DUSP29: variants seen among roughly 807,000 people sequenced by gnomAD.
DUSP29 encodes atypical dual-specific protein phosphatase.
In DUSP29, 12 loss-of-function variants were observed where a neutral mutation model predicts 13.5. The ratio of observed to expected loss-of-function variants is 0.89; its 90% CI spans 0.57 to 1.44. The LOEUF is 1.44. Ranked by LOEUF, DUSP29 falls within the 40% of genes most tolerant of loss-of-function variation. The pLI, the probability that DUSP29 is intolerant of heterozygous loss-of-function variation, is 0.00. For synonymous variants in DUSP29, 134 were observed against 128.7 expected, an observed-to-expected ratio of 1.04 and a Z score of -0.28; for missense variants, 308 against 301.1, an observed-to-expected ratio of 1.02 and a Z score of -0.17.
At chr10:75,053,185 G>T (rs1846884937) in intron 2 of DUSP29, among the ~76,000 whole-genome samples, 1 of 152,150 alleles carries the variant, frequency 6.6e-6, no homozygotes, top group Non-Finnish European at 1.5e-5. Context: ...AATCGAAACT[G>T]ACCACACAGC....
chr10:75,051,614 A>G (rs1454547581), intron 2 of DUSP29, among the ~76,000 whole-genome samples: 1 of 152,218 alleles, frequency 6.6e-6, no homozygotes, highest in African/African-American at 2.4e-5. Context: ...ATCCCAGGAC[A>G]TCCATCCTTA....
intron 2 of DUSP29, among the ~76,000 whole-genome samples, chr10:75,052,349 C>T (rs2134291101): frequency 6.7e-6 from 1 of 148,322 alleles, no homozygotes; most frequent in East Asian, 2.0e-4. Context: ...GCTTTGTCAC[C>T]AGGCTGGAGT....
chr10:75,043,815 C>T lies in DUSP29; in HGVS notation c.403G>A (p.Ala135Thr). The T allele has an allele frequency of 4.3e-6, 7 of 1,613,440 alleles. No homozygotes were observed. The highest frequency in any genetic ancestry group is 1.3e-5 in the African/African-American group (1 of 75,030). The change falls in exon 3 of 4, where the codon GCG becomes ACG. Residue 135 changes from alanine to threonine, a missense_variant. Coordinates refer to ENST00000338487, the MANE Select transcript of DUSP29 (RefSeq NM_001003892.3). ...FYPAAAFIDR[A>T]LSDDHSKILV... ...CTCTTACTGTGGTCGTCGCTTAGCGCTCTGTCGATGAAGGCTGCCGCCGGG... is the reference window on the plus strand; with the variant it reads ...CTCTTACTGTGGTCGTCGCTTAGCGTTCTGTCGATGAAGGCTGCCGCCGGG...
intron 3 of DUSP29, among the ~76,000 whole-genome samples, chr10:75,041,064 C>A (rs530024504): frequency 7.1e-4 from 108 of 152,268 alleles, no homozygotes; most frequent in African/African-American, 2.6e-3. Flanking sequence ...TGATGCCTTG[C>A]TTTTTGGCCA....
rs80037414 is a variant in DUSP29 at position 75,042,085 on chromosome 10, C to T, written c.421+1712G>A. Among the ~76,000 whole-genome samples, 59 of 152,318 alleles carry T rather than the reference C, an allele frequency of 3.9e-4. No individual in the cohort carries two copies. The East Asian group carries it at 9.1e-3, about 23-fold the overall frequency. On this transcript the variant is annotated intron_variant, in intron 3 of 3. Transcript: ENST00000338487. ...TTATATGCTTCACAGTGTATGACCA[C>T]GCTTTATCAAATACATCCGAGAGCC...
chr10:75,042,280 G>A (rs112959624), intron 3 of DUSP29, among the ~76,000 whole-genome samples: 64 of 152,348 alleles, frequency 4.2e-4, no homozygotes, highest in African/African-American at 1.4e-3. Context: ...TGTCTTCTCC[G>A]AAGCCTGCCA....
chr10:75,043,967 A>G lies in DUSP29; in HGVS notation c.251T>C (p.Val84Ala), dbSNP rs1165719567. 1 of 1,613,118 alleles carries G rather than the reference A, an allele frequency of 6.2e-7. No individual in the cohort carries two copies. Among genetic ancestry groups the G allele is most frequent in the South Asian group, 1.1e-5 (1 of 91,036 alleles). The change falls in exon 3 of 4, where the codon GTG becomes GCG. Residue 84 changes from valine to alanine, a missense_variant. Transcript: ENST00000338487. ...CCAGCGGCCGTGGGCCGCGTTCAGCACGTGCGTGAACCCCGCCTTCTGCAG... is the reference window on the plus strand; with the variant it reads ...CCAGCGGCCGTGGGCCGCGTTCAGCGCGTGCGTGAACCCCGCCTTCTGCAG... ...YRLQKAGFTH[V>A]LNAAHGRWNV...
At chr10:75,061,081 G>A (rs1175636845) in intron 1 of DUSP29, among the ~76,000 whole-genome samples, 8 of 152,030 alleles carry the variant, frequency 5.3e-5, no homozygotes, top group South Asian at 2.1e-4. Flanking sequence ...ATGAGGTCTC[G>A]CTATGTTGGC....
At chr10:75,057,852 TCCC>T (rs1181828495) in intron 2 of DUSP29, among the ~76,000 whole-genome samples, 3 of 152,186 alleles carry the variant, frequency 2.0e-5, no homozygotes, top group African/African-American at 7.2e-5. Flanking sequence ...TTTCCCAGGC[TCCC>T]TTGCAGCTAG....
At chr10:75,072,914 A>G (rs1308099891) in intron 1 of DUSP29, among the ~76,000 whole-genome samples, 1 of 151,776 alleles carries the variant, frequency 6.6e-6, no homozygotes, top group Non-Finnish European at 1.5e-5. Context: ...TCTGAGACAC[A>G]GGCCCATCCC....
At chr10:75,072,167 A>T (rs1456961694) in intron 1 of DUSP29, among the ~76,000 whole-genome samples, 1 of 152,232 alleles carries the variant, frequency 6.6e-6, no homozygotes, top group East Asian at 1.9e-4. Flanking sequence ...ACCCCAGGAT[A>T]CAGAAATCCC....
Position 75,037,716 on chromosome 10 carries a change from A to G in DUSP29, c.*120T>C. On this transcript the variant is annotated 3_prime_UTR_variant, in exon 4 of 4. Transcript: ENST00000338487. ...CCAGCACACATGGGGAAGTTGAACA[A>G]GATGGTTTGGAAGAGTCGAGCTTCG... The G allele has an allele frequency of 6.8e-7, 1 of 1,477,270 alleles. No homozygotes were observed. Among genetic ancestry groups the G allele is most frequent in the Non-Finnish European group, 9.0e-7 (1 of 1,110,758 alleles). The allele number at this position is 1,477,270 out of a possible 1,614,324, so 91.5% of individuals were successfully genotyped here. A position where few individuals can be genotyped will look rare whatever the true frequency, so the allele number is the denominator to read the frequency against.
intron 1 of DUSP29, among the ~76,000 whole-genome samples, chr10:75,060,953 G>C (rs1847075511): frequency 6.6e-6 from 1 of 152,158 alleles, no homozygotes; most frequent in Non-Finnish European, 1.5e-5. Flanking sequence ...TATAATGTTG[G>C]GGCAAGGTAT....
At chr10:75,050,567 A>G (rs1846804464) in intron 2 of DUSP29, among the ~76,000 whole-genome samples, 1 of 152,272 alleles carries the variant, frequency 6.6e-6, no homozygotes, top group Non-Finnish European at 1.5e-5. Flanking sequence ...TATTTTACAA[A>G]TAAAGAAACT....
At chr10:75,049,130 T>G (rs1846769341) in intron 2 of DUSP29, among the ~76,000 whole-genome samples, 3 of 152,252 alleles carry the variant, frequency 2.0e-5, no homozygotes, top group Admixed American at 2.0e-4. Context: ...ATTTTCTTGT[T>G]TTTGTCTTTC....
rs534637113 is a variant in DUSP29 at position 75,058,660 on chromosome 10, C to T, written c.-34-112G>A. The T allele has an allele frequency of 1.9e-5, 18 of 945,662 alleles. No individual in the cohort carries two copies. In the East Asian group the frequency reaches 4.5e-4, roughly 24 times the overall value. 58.6% of individuals were successfully genotyped at this position (945,662 alleles called of 1,614,324 possible). On this transcript the variant is annotated intron_variant, in intron 1 of 3. Coordinates refer to ENST00000338487, the MANE Select transcript of DUSP29 (RefSeq NM_001003892.3). Reference sequence around the variant, plus strand: ...TATCTTAAAATTTGGAAAGAGTTTCCCCAACCTGCTATGCCCCGGCTTCCT... The same window carrying T: ...TATCTTAAAATTTGGAAAGAGTTTCTCCAACCTGCTATGCCCCGGCTTCCT...
chr10:75,072,718 C>G (rs973692008), intron 1 of DUSP29, among the ~76,000 whole-genome samples: 1 of 152,086 alleles, frequency 6.6e-6, no homozygotes, highest in African/African-American at 2.4e-5. Flanking sequence ...ACATCCTCCT[C>G]GTGCCCTTCC....
At chr10:75,068,342 G>A (rs556432253) in intron 1 of DUSP29, among the ~76,000 whole-genome samples, 17 of 152,130 alleles carry the variant, frequency 1.1e-4, no homozygotes, top group Admixed American at 7.9e-4. Flanking sequence ...GACCATGGAG[G>A]TGCATGCACC....
intron 2 of DUSP29, among the ~76,000 whole-genome samples, chr10:75,055,132 A>G (rs1251906434): frequency 6.6e-6 from 1 of 152,132 alleles, no homozygotes. Flanking sequence ...GTGAGCCATC[A>G]TGCCCGGCCT....
Sources: gnomAD v4.1 joint callset for allele counts (sites outside exome capture counted in the v4.1 genomes callset) on GRCh38, gnomAD v4.1.1 for gene constraint, MANE v1.5 for transcripts, NCBI Gene and HGNC (gene_info 2026-07-23, HGNC 2026-07-21) for gene names.